VWA8: variants seen among roughly 807,000 people sequenced by gnomAD.
VWA8 encodes von Willebrand factor A domain-containing protein 8.
VWA8 carries 221 observed loss-of-function variants against 241.5 expected under a neutral mutation model. The ratio of observed to expected loss-of-function variants is 0.91; its 90% confidence interval spans 0.82 to 1.02. VWA8 has a LOEUF of 1.02. Among genes scored for constraint, VWA8 ranks in the 50% least tolerant of loss-of-function variants. The pLI is 0.00. For synonymous variants in VWA8, 852 were observed against 827.1 expected, an observed-to-expected ratio of 1.03 and a Z score of -0.52; for missense variants, 2,322 against 2,328.7, an observed-to-expected ratio of 1.00 and a Z score of 0.06.
At chr13:41,849,456 G>A (rs1872430969) in intron 12 of VWA8, among the ~76,000 whole-genome samples, 1 of 152,166 alleles carries the variant, frequency 6.6e-6, no homozygotes, top group African/African-American at 2.4e-5. Flanking sequence ...TATAAGATAT[G>A]TAACTTCATC....
chr13:41,584,581 T>C (rs143750464), intron 42 of VWA8, among the ~76,000 whole-genome samples: 218 of 152,352 alleles, frequency 1.4e-3, no homozygotes, highest in African/African-American at 4.9e-3. Context: ...TAAGACTTTC[T>C]ATGGTCTTAA....
intron 37 of VWA8, among the ~76,000 whole-genome samples, chr13:41,637,662 T>C (rs1036154844): frequency 7.9e-5 from 12 of 152,186 alleles, no homozygotes; most frequent in Non-Finnish European, 1.5e-4. Context: ...TCACCAGTAA[T>C]TGGTATGTAC....
At chr13:41,721,603 G>A in intron 24 of VWA8, 28 bp from the exon 25 acceptor site, 1 of 1,589,334 alleles carries the variant, frequency 6.3e-7, no homozygotes, top group Non-Finnish European at 8.6e-7. Context: ...TTCACATTCA[G>A]TATGCAACAA....
chr13:41,621,703 C>T (rs2044658435), intron 37 of VWA8, among the ~76,000 whole-genome samples: 3 of 152,144 alleles, frequency 2.0e-5, no homozygotes, highest in Admixed American at 6.5e-5. Flanking sequence ...AGAATAAGTA[C>T]TACAAATGAA....
At chr13:41,680,117 C>T (rs1168591014) in intron 35 of VWA8, among the ~76,000 whole-genome samples, 3 of 151,974 alleles carry the variant, frequency 2.0e-5, no homozygotes, top group Non-Finnish European at 2.9e-5. Flanking sequence ...TATCTAAATG[C>T]TAATCACAGC....
intron 37 of VWA8, among the ~76,000 whole-genome samples, chr13:41,618,911 G>A (rs1263691974): frequency 1.3e-5 from 2 of 152,198 alleles, no homozygotes; most frequent in East Asian, 1.9e-4. Context: ...GTAGCGTGAT[G>A]CCTCCAGCTT....
At chr13:41,796,383 A>G (rs943407837) in intron 17 of VWA8, among the ~76,000 whole-genome samples, 2 of 152,174 alleles carry the variant, frequency 1.3e-5, no homozygotes, top group Admixed American at 1.3e-4. Context: ...TTTAATGGTT[A>G]TGGGTCGATT....
intron 21 of VWA8, among the ~76,000 whole-genome samples, chr13:41,756,597 G>A (rs933831237): frequency 6.6e-6 from 1 of 151,396 alleles, no homozygotes; most frequent in African/African-American, 2.4e-5. Flanking sequence ...AAATTCACTT[G>A]TTTTCACTTT....
intron 20 of VWA8, among the ~76,000 whole-genome samples, chr13:41,771,709 G>A (rs986691864): frequency 6.6e-5 from 10 of 152,052 alleles, no homozygotes; most frequent in South Asian, 6.2e-4. Flanking sequence ...ACCCTGAGTA[G>A]CTGGGACTAC....
intron 42 of VWA8, among the ~76,000 whole-genome samples, chr13:41,581,260 C>T (rs1474732879): frequency 1.3e-5 from 1 of 76,592 alleles, no homozygotes; most frequent in Admixed American, 1.4e-4. Flanking sequence ...CCTCGGCCTC[C>T]CAAAGTGCTG....
intron 37 of VWA8, among the ~76,000 whole-genome samples, chr13:41,638,651 G>GA (rs2044774906): frequency 6.6e-6 from 1 of 152,160 alleles, no homozygotes; most frequent in African/African-American, 2.4e-5. Context: ...ACTTCAGCAG[G>GA]AACAATTTTG....
At chr13:41,573,263 C>CAA (rs941220071) in intron 43 of VWA8, among the ~76,000 whole-genome samples, 13 of 150,500 alleles carry the variant, frequency 8.6e-5, no homozygotes, top group African/African-American at 2.9e-4. Flanking sequence ...CAAAACAAAA[C>CAA]AAAAATTGGC....
At chr13:41,572,588 G>A (rs2044315099) in intron 43 of VWA8, among the ~76,000 whole-genome samples, 1 of 151,994 alleles carries the variant, frequency 6.6e-6, no homozygotes, top group Non-Finnish European at 1.5e-5. Flanking sequence ...ACAGATGCTT[G>A]AAGGCAGCAT....
intron 38 of VWA8, among the ~76,000 whole-genome samples, chr13:41,612,607 C>T (rs2044596752): frequency 6.6e-6 from 1 of 152,116 alleles, no homozygotes; most frequent in Non-Finnish European, 1.5e-5. Flanking sequence ...GAGAAAAAAA[C>T]ACATCTGTTG....
intron 20 of VWA8, among the ~76,000 whole-genome samples, chr13:41,763,030 G>A (rs1346503292): frequency 6.6e-6 from 1 of 152,012 alleles, no homozygotes; most frequent in African/African-American, 2.4e-5. Context: ...AGATTTGGGT[G>A]GCTTAAGTGG....
At chr13:41,579,308 AT>A (rs2139638534) in intron 42 of VWA8, among the ~76,000 whole-genome samples, 1 of 152,322 alleles carries the variant, frequency 6.6e-6, no homozygotes, top group South Asian at 2.1e-4. Flanking sequence ...CAGAAGATAA[AT>A]ATGTGATTTA....
intron 39 of VWA8, among the ~76,000 whole-genome samples, chr13:41,609,909 G>A (rs1382355652): frequency 6.6e-6 from 1 of 152,008 alleles, no homozygotes; most frequent in East Asian, 1.9e-4. Context: ...ATTCATTTGC[G>A]TTAAGGGCAC....
At position 41,692,938 on chromosome 13, in the gene VWA8, C is replaced by T. The variant is rs369285520; in HGVS notation, c.3599G>A (p.Arg1200Gln). The T allele has an allele frequency of 2.8e-5, 45 of 1,610,258 alleles. No individual in the cohort carries two copies. The African/African-American group carries it at 5.1e-4, about 18-fold the overall frequency. The change falls in exon 30 of 45, where the codon CGG (arginine) becomes CAG (glutamine). Residue 1200 changes from arginine (R) to glutamine (Q), a missense_variant. Coordinates refer to ENST00000379310, the MANE Select transcript of VWA8 (RefSeq NM_015058.2). ...AGGGAGGATGAGACGATGAAGGGCC[C>T]GGCCAGTAGTATCTAACAACAGGAT... The part of the protein sequence containing the change: ...NVILLLDTTG[R>Q]ALHRLILPSE...
chr13:41,656,460 C>T (rs1198119277), intron 37 of VWA8, among the ~76,000 whole-genome samples: 1 of 152,042 alleles, frequency 6.6e-6, no homozygotes, highest in Non-Finnish European at 1.5e-5. Flanking sequence ...AAGGGGATTC[C>T]CACTGTTATG....
Sources: allele counts gnomAD v4.1 joint callset (sites outside exome capture counted in the v4.1 genomes callset), GRCh38; gene constraint gnomAD v4.1.1; transcripts MANE v1.5; gene names NCBI Gene and HGNC (gene_info 2026-07-23, HGNC 2026-07-21).